Variants in DNAJC10 observed in about 807,000 individuals in gnomAD.
DNAJC10 encodes the protein DnaJ heat shock protein family (Hsp40) member C10, also known as endoplasmic reticulum disulfide reductase DNAJC10.
A neutral mutation model predicts 115.0 loss-of-function variants in DNAJC10; 101 were observed. The ratio of observed to expected loss-of-function variants is 0.88; its 90% CI spans 0.75 to 1.04. The LOEUF is 1.04. Among genes scored for constraint, DNAJC10 ranks in the 50% least tolerant of loss-of-function variants. The probability of loss-of-function intolerance (pLI) is 0.00; values close to 1 mark genes in which losing one functional copy is unlikely to be tolerated. For missense variants in DNAJC10, 981 were observed against 928.8 expected, an observed-to-expected ratio of 1.06 and a Z score of -0.73; for synonymous variants, 307 against 301.5, an observed-to-expected ratio of 1.02 and a Z score of -0.19.
In DNAJC10 at chr2:182,788,696, A is replaced by G. The variant is rs1284808771; in HGVS notation, c.*11564A>G. On this transcript the variant is annotated 3_prime_UTR_variant, in exon 24 of 24. Transcript: ENST00000264065. The stretch of plus-strand genomic sequence containing the variant: ...GGAAGTGAGCTTATCCCACAGCACA[A>G]GTAACGTCTATTTATCTCAGAGGAA... The G allele has an allele frequency of 7.4e-6, 3 of 407,078 alleles. No individual in the cohort carries two copies. The highest frequency in any genetic ancestry group is 6.3e-5 in the African/African-American group (3 of 47,780). The allele number at this position is 407,078 out of a possible 1,614,324, so 25.2% of individuals were successfully genotyped here. A position where few individuals can be genotyped will look rare whatever the true frequency, so the allele number is the denominator to read the frequency against.
chr2:182,722,169 T>C (rs1693167412), intron 5 of DNAJC10, 94 bp downstream of exon 5: 1 of 935,614 alleles, frequency 1.1e-6, no homozygotes, highest in African/African-American at 1.7e-5. Flanking sequence ...TTAGAAATCT[T>C]TTGGAGTTTC....
chr2:182,757,895 C>G, intron 19 of DNAJC10, 70 bp downstream of exon 19: 1 of 909,694 alleles, frequency 1.1e-6, no homozygotes, highest in South Asian at 2.4e-5. Context: ...GTTAAGTTAC[C>G]TGAACAAAAT....
At chr2:182,730,221 T>C (rs556889215) in intron 8 of DNAJC10, among the ~76,000 whole-genome samples, 139 of 152,316 alleles carry the variant, frequency 9.1e-4, no homozygotes, top group Non-Finnish European at 1.3e-3. Context: ...TGTTTTGTAA[T>C]ACAAGTGTTT....
Position 182,761,630 on chromosome 2 carries a change from G to A in DNAJC10, c.2146-1052G>A, listed in dbSNP as rs139164359. The stretch of plus-strand genomic sequence containing the variant: ...ATAGATGAAGGATAGAGAGGAGTCT[G>A]GATGAGCCTAATTTCTGGCTTGAAC... On this transcript the variant is annotated intron_variant, in intron 21 of 23. Coordinates refer to ENST00000264065, the MANE Select transcript of DNAJC10 (RefSeq NM_018981.4). 6.7e-3 allele frequency among the ~76,000 whole-genome samples: 1,022 copies of A among 152,240 alleles called. 5 individuals are homozygous for A. The highest frequency in any genetic ancestry group is 0.014 in the Middle Eastern group (4 of 294).
chr2:182,772,578 T>C (rs1350251506), intron 22 of DNAJC10, among the ~76,000 whole-genome samples: 1 of 152,226 alleles, frequency 6.6e-6, no homozygotes, highest in African/African-American at 2.4e-5. Context: ...AATAGCCTTC[T>C]TTGTCTCTTT....
rs1181593869 is a variant in DNAJC10, at chr2:182,759,156, A to T, written c.1998-4A>T. On this transcript the variant is annotated splice_region_variant and splice_polypyrimidine_tract_variant and intron_variant, in intron 20 of 23. Coordinates refer to ENST00000264065, the MANE Select transcript of DNAJC10 (RefSeq NM_018981.4). Reference sequence around the variant, plus strand: ...TGAAAAATGATTTTGATCATTTGCCACAGATTTTTACCTCAAGTATCCACA... The same window carrying T: ...TGAAAAATGATTTTGATCATTTGCCTCAGATTTTTACCTCAAGTATCCACA... The T allele has an allele frequency of 1.3e-6, 2 of 1,568,582 alleles. No individual in the cohort carries two copies. Among genetic ancestry groups the T allele is most frequent in the South Asian group, 2.4e-5 (2 of 84,318 alleles).
chr2:182,769,240 G>A (rs1010654551), intron 22 of DNAJC10, among the ~76,000 whole-genome samples: 7 of 152,056 alleles, frequency 4.6e-5, no homozygotes, highest in South Asian at 4.1e-4. Flanking sequence ...GTACTTTTGC[G>A]GTGGTTCCAG....
intron 4 of DNAJC10, among the ~76,000 whole-genome samples, 176 bp downstream of exon 4, chr2:182,720,345 A>G (rs1284245527): frequency 6.6e-6 from 1 of 152,186 alleles, no homozygotes; most frequent in Non-Finnish European, 1.5e-5. Flanking sequence ...GATGATCTGT[A>G]CAGATATGAA....
chr2:182,739,103 T>C lies in DNAJC10; in HGVS notation c.988-1196T>C, dbSNP rs372968873. Reference sequence around the variant, plus strand: ...GAACTGAGGCGTGAAAGATTTGTTATGGCATTTTAAGCTCTTTGATAGCAG... The same window carrying C: ...GAACTGAGGCGTGAAAGATTTGTTACGGCATTTTAAGCTCTTTGATAGCAG... On this transcript the variant is annotated intron_variant, in intron 11 of 23. Transcript: ENST00000264065. Among the ~76,000 whole-genome samples the C allele has an allele frequency of 9.3e-5, 14 of 150,764 alleles. No homozygotes were observed. In the East Asian group the frequency reaches 1.4e-3, roughly 15 times the overall value.
chr2:182,739,263 A>G (rs1056352966), intron 11 of DNAJC10, among the ~76,000 whole-genome samples: 1 of 147,280 alleles, frequency 6.8e-6, no homozygotes, highest in African/African-American at 2.5e-5. Context: ...ATATATATAT[A>G]TTCAGTTTTA....
chr2:182,719,474 C>T (rs996518340), intron 3 of DNAJC10, among the ~76,000 whole-genome samples: 5 of 151,700 alleles, frequency 3.3e-5, no homozygotes, highest in Admixed American at 2.6e-4. Context: ...AGGCTGGTCT[C>T]GATCTCCTGA....
Position 182,780,802 on chromosome 2 carries a change from A to C in DNAJC10, c.*3670A>C, listed in dbSNP as rs555537224. On this transcript the variant is annotated 3_prime_UTR_variant, in exon 24 of 24. Coordinates refer to ENST00000264065, the MANE Select transcript of DNAJC10 (RefSeq NM_018981.4). ...AATACAGCCAAAGTCTCAACGCCAA[A>C]CTGGTCTACATCAGTATGGACTCCA... 1 of 152,186 alleles carries C rather than the reference A, an allele frequency of 6.6e-6. No homozygotes were observed. The highest frequency in any genetic ancestry group is 2.1e-4 in the South Asian group (1 of 4,818). 9.4% of individuals were successfully genotyped at this position (152,186 alleles called of 1,614,324 possible).
chr2:182,735,716 G>C (rs1223832261), intron 10 of DNAJC10, among the ~76,000 whole-genome samples: 1 of 152,008 alleles, frequency 6.6e-6, no homozygotes, highest in East Asian at 1.9e-4. Flanking sequence ...AGTAACTTAA[G>C]GTTATGAGAA....
intron 14 of DNAJC10, among the ~76,000 whole-genome samples, chr2:182,744,967 C>T (rs530449294): frequency 2.0e-5 from 3 of 152,162 alleles, no homozygotes; most frequent in Admixed American, 6.5e-5. Context: ...GGCCCATCAT[C>T]GCCTTCATCT....
chr2:182,775,774 G>C (rs1188958251), intron 23 of DNAJC10, among the ~76,000 whole-genome samples: 2 of 152,178 alleles, frequency 1.3e-5, no homozygotes, highest in African/African-American at 4.8e-5. Context: ...AATATTTTCA[G>C]CCATAAAAGG....
intron 16 of DNAJC10, chr2:182,752,602 T>C (rs1218257687): frequency 4.8e-5 from 44 of 923,986 alleles, no homozygotes; most frequent in Non-Finnish European, 5.7e-5. Context: ...AAATCTTTGT[T>C]TAAATGAAAT....
At chr2:182,729,612 T>C (rs759181713) in intron 7 of DNAJC10, among the ~76,000 whole-genome samples, 6 of 141,448 alleles carry the variant, frequency 4.2e-5, no homozygotes, top group Non-Finnish European at 7.6e-5. Context: ...ATATCTTTTT[T>C]CTTAGTTTCC....
chr2:182,751,411 GGCGTGA>G (rs1694014855), intron 14 of DNAJC10, among the ~76,000 whole-genome samples: 1 of 152,032 alleles, frequency 6.6e-6, no homozygotes, highest in African/African-American at 2.4e-5. Context: ...TAGGATTACA[GGCGTGA>G]GCCACTGCAC....
In DNAJC10 at chr2:182,752,135, C is replaced by T; in HGVS notation, c.1498C>T (p.Gln500Ter). ...LRRASNLLYG[Q>*]LKFGTLDCTV... ...AAGAGCATCAAATCTTCTTTATGGT[C>T]AGCTTAAGTTTGGTACACTAGATTG... The change falls in exon 16 of 24, where the codon CAG becomes TAG. Residue 500 changes from glutamine to a stop codon, truncating the protein, a stop_gained. Transcript: ENST00000264065. LOFTEE classifies it high-confidence loss of function. 1 of 1,613,598 alleles carries T rather than the reference C, an allele frequency of 6.2e-7. No homozygotes were observed. Among genetic ancestry groups the T allele is most frequent in the Non-Finnish European group, 8.5e-7 (1 of 1,179,746 alleles).
Sources: allele counts gnomAD v4.1 joint callset (sites outside exome capture counted in the v4.1 genomes callset), GRCh38; gene constraint gnomAD v4.1.1; transcripts MANE v1.5; gene names NCBI Gene and HGNC (gene_info 2026-07-23, HGNC 2026-07-21).